XPC: variants seen among roughly 807,000 people sequenced by gnomAD.
The protein encoded by XPC is DNA repair protein complementing XP-C cells.
A neutral mutation model predicts 95.8 loss-of-function variants in XPC; 76 were observed. The observed-to-expected ratio is 0.79, with a 90% confidence interval of 0.66 to 0.96. XPC has a LOEUF of 0.96. XPC is among the 40% of genes least tolerant of loss of function. XPC has a pLI of 0.00. For missense variants in XPC, 1,146 were observed against 1,179.8 expected (o/e 0.97, Z 0.42); for synonymous variants, 442 against 442.1 (o/e 1.00, Z 0.00).
intron 11 of XPC, chr3:14,151,257 TATCTC>T (rs746470211): frequency 3.9e-5 from 6 of 152,242 alleles, no homozygotes; most frequent in Non-Finnish European, 8.8e-5. Flanking sequence ...TGGATTTAAA[TATCTC>T]ATCAACACTT....
intron 3 of XPC, 42 bp from the exon 4 acceptor site, chr3:14,168,422 AT>A: frequency 6.2e-7 from 1 of 1,608,968 alleles, no homozygotes; most frequent in Non-Finnish European, 8.5e-7. Context: ...AGTAATAACA[AT>A]AATAATAGCT....
At position 14,148,732 on chromosome 3, in the gene XPC, C is replaced by G. The variant is rs754673606; in HGVS notation, c.2251-1G>C. The G allele has an allele frequency of 1.2e-5, 19 of 1,613,880 alleles. No homozygotes were observed. In the African/African-American group the frequency reaches 1.9e-4, roughly 16 times the overall value. ...CATTCCCAAACTCGTTCCGGGGCACCTGTGTCGGGTGAGCAAGTCAGCATT... is the reference window on the plus strand; with the variant it reads ...CATTCCCAAACTCGTTCCGGGGCACGTGTGTCGGGTGAGCAAGTCAGCATT... On this transcript the variant is annotated splice_acceptor_variant, in intron 12 of 15. Transcript: ENST00000285021. LOFTEE classifies it high-confidence loss of function.
chr3:14,168,483 T>C (rs1574973027), intron 3 of XPC, 103 bp from the exon 4 acceptor site: 1 of 1,431,428 alleles, frequency 7.0e-7, no homozygotes, highest in Non-Finnish European at 9.6e-7. Context: ...AAGTGAGGCA[T>C]GAATGTGAGG....
chr3:14,177,073 G>C (rs1440652903), intron 1 of XPC, among the ~76,000 whole-genome samples: 1 of 151,202 alleles, frequency 6.6e-6, no homozygotes, highest in Non-Finnish European at 1.5e-5. Context: ...GACAGAGTGA[G>C]ACACTGTCTC....
chr3:14,151,293 A>G (rs1695679219), intron 11 of XPC: 1 of 152,228 alleles, frequency 6.6e-6, no homozygotes, highest in Non-Finnish European at 1.5e-5. Context: ...CTTACTGCTG[A>G]AATAGTATTT....
At chr3:14,156,598 G>A (rs1404695844) in intron 9 of XPC, 103 bp from the exon 10 acceptor site, 6 of 1,527,672 alleles carry the variant, frequency 3.9e-6, no homozygotes, top group Non-Finnish European at 5.4e-6. Context: ...ACAGATGGTG[G>A]AGCCAAGGTT....
In XPC at chr3:14,164,863, C is replaced by A; in HGVS notation, c.850G>T (p.Glu284Ter). The A allele has an allele frequency of 6.2e-7, 1 of 1,613,014 alleles. No homozygotes were observed. Among genetic ancestry groups the A allele is most frequent in the Middle Eastern group, 1.7e-4 (1 of 6,056 alleles). ...GCAGAGTAAATAGCAAATCTCCTTT[C>A]CAATGTAGTCTGCAGGTTATCTTGT... ...SEQDNLQTTLERRFAIYSARD... is the reference protein window; with the variant it reads ...SEQDNLQTTL The change falls in exon 7 of 16, where the codon GAA becomes TAA. Residue 284 changes from glutamate to a stop codon, truncating the protein, a stop_gained. Transcript: ENST00000285021. LOFTEE classifies it high-confidence loss of function.
At chr3:14,166,699 G>A (rs979898541) in intron 5 of XPC, among the ~76,000 whole-genome samples, 89 of 152,134 alleles carry the variant, frequency 5.9e-4, no homozygotes, top group Admixed American at 3.9e-4. Flanking sequence ...TCCAGGCATA[G>A]CCTTGAGTTT....
intron 7 of XPC, 59 bp downstream of exon 7, chr3:14,164,754 T>C: frequency 6.4e-7 from 1 of 1,563,910 alleles, no homozygotes; most frequent in South Asian, 1.2e-5. Flanking sequence ...GGCACATGGC[T>C]GCCATTATCA....
At position 14,164,805 on chromosome 3, in the gene XPC, T is replaced by C. The variant is rs1286867311; in HGVS notation, c.900+8A>G. 5 of 1,612,056 alleles carry C rather than the reference T, an allele frequency of 3.1e-6. No homozygotes were observed. Among genetic ancestry groups the C allele is most frequent in the Non-Finnish European group, 4.2e-6 (5 of 1,179,260 alleles). ...GATAAAAAACAGTGATCCGGGAGGATCACTTACATGGACCAATTCCTCATC... is the reference window on the plus strand; with the variant it reads ...GATAAAAAACAGTGATCCGGGAGGACCACTTACATGGACCAATTCCTCATC... On this transcript the variant is annotated splice_region_variant and intron_variant, in intron 7 of 15. Coordinates refer to ENST00000285021, the MANE Select transcript of XPC (RefSeq NM_004628.5).
At chr3:14,147,773 C>T (rs558350116) in intron 14 of XPC, 135 bp downstream of exon 14, 4 of 767,000 alleles carry the variant, frequency 5.2e-6, no homozygotes, top group East Asian at 2.7e-5. Context: ...CTCGCTCCCT[C>T]GGGTGCCTGC....
intron 10 of XPC, among the ~76,000 whole-genome samples, chr3:14,154,707 T>C (rs1010485513): frequency 6.6e-6 from 1 of 151,986 alleles, no homozygotes; most frequent in African/African-American, 2.4e-5. Flanking sequence ...AATCTGGAGA[T>C]GGATGGTGGT....
chr3:14,178,342 C>A, intron 1 of XPC, 124 bp downstream of exon 1: 3 of 1,159,834 alleles, frequency 2.6e-6, no homozygotes, highest in Non-Finnish European at 3.5e-6. Context: ...CGGGCTGCCC[C>A]CACGGCGCGG....
intron 7 of XPC, among the ~76,000 whole-genome samples, chr3:14,161,378 C>T (rs988081494): frequency 1.3e-5 from 2 of 151,912 alleles, no homozygotes; most frequent in Non-Finnish European, 2.9e-5. Flanking sequence ...AAATACATCA[C>T]AAGAAAATAA....
At chr3:14,147,643 A>G (rs1435668900) in intron 14 of XPC, 5 of 600,542 alleles carry the variant, frequency 8.3e-6, no homozygotes, top group East Asian at 5.6e-5. Flanking sequence ...ACCTGGACAC[A>G]GGCAATTCAA....
At position 14,148,559 on chromosome 3, in the gene XPC, C is replaced by T. The variant is rs757316607; in HGVS notation, c.2420+3G>A. ...TAGCCTCCATCGAAGGCCCCTCACG[C>T]ACACGGGATGGGAGTAGCCGCCATG... On this transcript the variant is annotated splice_donor_region_variant and intron_variant, in intron 13 of 15. Transcript: ENST00000285021. 6.2e-7 allele frequency: 1 copy of T among 1,613,678 alleles called. No individual in the cohort carries two copies. The highest frequency in any genetic ancestry group is 1.1e-5 in the South Asian group (1 of 91,062).
In XPC at chr3:14,148,957, G is replaced by C; in HGVS notation, c.2116-9C>G. 6.2e-7 allele frequency: 1 copy of C among 1,613,962 alleles called. No individual in the cohort carries two copies. Among genetic ancestry groups the C allele is most frequent in the Non-Finnish European group, 8.5e-7 (1 of 1,179,848 alleles). On this transcript the variant is annotated splice_polypyrimidine_tract_variant and intron_variant, in intron 11 of 15. Transcript: ENST00000285021. ...GAAAAGCCTTTCACCATCTGCACCA[G>C]AGGACACGGCCACCGTTTACAACAA...
rs56016887 is a variant in XPC, at chr3:14,152,161, A to G, written c.2115+174T>C. On this transcript the variant is annotated intron_variant, in intron 11 of 15. Coordinates refer to ENST00000285021, the MANE Select transcript of XPC (RefSeq NM_004628.5). ...TTACAAATGTCTTATTAATAAGACAATTTAAATGTTTCTCTCCTCCTTGAA... is the reference window on the plus strand; with the variant it reads ...TTACAAATGTCTTATTAATAAGACAGTTTAAATGTTTCTCTCCTCCTTGAA... 1.8e-4 allele frequency: 100 copies of G among 566,036 alleles called. 1 individual carries two copies. In the East Asian group the frequency reaches 2.8e-3, roughly 16 times the overall value. The allele number at this position is 566,036 out of a possible 1,614,324, so 35.1% of individuals were successfully genotyped here. A position where few individuals can be genotyped will look rare whatever the true frequency, so the allele number is the denominator to read the frequency against.
intron 10 of XPC, among the ~76,000 whole-genome samples, chr3:14,155,631 C>T (rs1191232708): frequency 6.6e-6 from 1 of 152,066 alleles, no homozygotes; most frequent in Non-Finnish European, 1.5e-5. Flanking sequence ...GATCTTGGCT[C>T]ACTGCAAGCT....
Sources: gnomAD v4.1 joint callset for allele counts (sites outside exome capture counted in the v4.1 genomes callset) on GRCh38, gnomAD v4.1.1 for gene constraint, MANE v1.5 for transcripts, NCBI Gene and HGNC (gene_info 2026-07-23, HGNC 2026-07-21) for gene names.